The following MAGED1 variants were observed in gnomAD, a reference collection of about 807,000 sequenced individuals.
The protein encoded by MAGED1 is melanoma-associated antigen D1.
MAGED1 carries 3 observed loss-of-function variants against 54.1 expected under a neutral mutation model. The observed-to-expected ratio is 0.06, with a 90% CI of 0.03 to 0.14. The LOEUF is 0.14. Among genes scored for constraint, MAGED1 ranks in the 10% least tolerant of loss-of-function variants. MAGED1 has a pLI of 1.00. For synonymous variants in MAGED1, 217 were observed against 227.3 expected (o/e 0.95, Z 0.41); for missense variants, 485 against 623.4 (o/e 0.78, Z 2.36).
rs190024652 is a variant in MAGED1, at chrX:51,825,322, C to T, written c.-37+22205C>T. On this transcript the variant is annotated intron_variant, in intron 1 of 12. Transcript: ENST00000375772. ...GGTCAGAGAGAGCTCTAAAGGGCAA[C>T]AATGTGTCAAAAGACAAAATTACAA... 4.5e-5 allele frequency among the ~76,000 whole-genome samples: 5 copies of T among 111,294 alleles called. No individual in the cohort carries two copies. The Admixed American group carries it at 4.8e-4, about 11-fold the overall frequency.
chrX:51,818,617 C>T (rs1270732596), intron 1 of MAGED1, among the ~76,000 whole-genome samples: 3 of 112,101 alleles, frequency 2.7e-5, no homozygotes, highest in Non-Finnish European at 3.8e-5. Flanking sequence ...GCGTTTCATC[C>T]TTTAACCATG....
chrX:51,842,778 G>A (rs192166532), intron 1 of MAGED1, among the ~76,000 whole-genome samples: 3 of 110,737 alleles, frequency 2.7e-5, no homozygotes, highest in Admixed American at 9.6e-5. Context: ...CTCCACCTCC[G>A]AGGCTCAAGC....
rs1929058885 is a variant in MAGED1, at chrX:51,902,175, CCT to C, written c.*39_*40del. 6.7e-6 allele frequency: 2 copies of C among 299,251 alleles called. No homozygotes were observed. Among genetic ancestry groups the C allele is most frequent in the South Asian group, 3.0e-4 (2 of 6,657 alleles). 24.7% of individuals were successfully genotyped at this position (299,251 alleles called of 1,213,427 possible). ...TGCTATCAATCGCAGTAGTCTTTCC[CCT>C]GTGTGAGGCTGAAGCCTCAGATTCC... On this transcript the variant is annotated 3_prime_UTR_variant, in exon 13 of 13. Transcript: ENST00000326587.
intron 1 of MAGED1, among the ~76,000 whole-genome samples, chrX:51,859,813 TGCTG>T (rs1353486384): frequency 9.0e-6 from 1 of 111,428 alleles, no homozygotes; most frequent in African/African-American, 3.3e-5. Flanking sequence ...GATGCTATGC[TGCTG>T]GCTTTGAATT....
intron 1 of MAGED1, among the ~76,000 whole-genome samples, chrX:51,821,013 CA>C (rs1289183977): frequency 9.0e-6 from 1 of 111,704 alleles, no homozygotes; most frequent in East Asian, 2.8e-4. Context: ...TGAGTGAGAT[CA>C]TGTGCTGTTT....
chrX:51,849,389 T>G (rs1056342750), intron 1 of MAGED1, among the ~76,000 whole-genome samples: 7 of 111,571 alleles, frequency 6.3e-5, no homozygotes, highest in African/African-American at 2.3e-4. Context: ...AAGGTCAGCT[T>G]ACTTTAAATC....
intron 1 of MAGED1, among the ~76,000 whole-genome samples, chrX:51,852,936 T>C (rs1237049356): frequency 1.8e-5 from 2 of 111,963 alleles, no homozygotes; most frequent in African/African-American, 3.2e-5. Flanking sequence ...TTTTGTGCCT[T>C]GTAAAGTAGT....
chrX:51,869,728 C>T (rs368036512), intron 1 of MAGED1, among the ~76,000 whole-genome samples: 5 of 110,069 alleles, frequency 4.5e-5, no homozygotes, highest in Non-Finnish European at 9.5e-5. Flanking sequence ...AAAATTAGAC[C>T]GGTGTGGTGG....
At chrX:51,832,921 A>G (rs1310895974) in intron 1 of MAGED1, among the ~76,000 whole-genome samples, 1 of 111,681 alleles carries the variant, frequency 9.0e-6, no homozygotes, top group African/African-American at 3.3e-5. Flanking sequence ...ATAAAAGCAC[A>G]TTGTTTTATT....
chrX:51,901,694 G>A lies in MAGED1; in HGVS notation c.2101G>A (p.Val701Met). 1 of 1,211,611 alleles carries A rather than the reference G, an allele frequency of 8.3e-7. No individual in the cohort carries two copies. Among genetic ancestry groups the A allele is most frequent in the South Asian group, 1.8e-5 (1 of 56,917 alleles). ...CCGCATGGGAATTGGAGATGAGGCT[G>A]TGTCTGGGCCCTGGAGCTGGGATGA... ...RTRMGIGDEA[V>M]SGPWSWDDIE... The change falls in exon 12 of 13, where the codon GTG (valine) becomes ATG (methionine). Residue 701 changes from valine to methionine, a missense_variant. By Grantham distance (21) the Val-to-Met change is conservative. Transcript: ENST00000326587.
intron 1 of MAGED1, among the ~76,000 whole-genome samples, chrX:51,826,077 T>C (rs1307236376): frequency 8.9e-6 from 1 of 112,663 alleles, no homozygotes; most frequent in African/African-American, 3.2e-5. Context: ...CACAGAAATG[T>C]AGGGAGAAAT....
At chrX:51,820,894 C>T (rs1472079767) in intron 1 of MAGED1, among the ~76,000 whole-genome samples, 1 of 111,422 alleles carries the variant, frequency 9.0e-6, no homozygotes, top group Non-Finnish European at 1.9e-5. Context: ...TTTAACTAGT[C>T]TTTCTGCCTC....
intron 1 of MAGED1, among the ~76,000 whole-genome samples, chrX:51,848,130 G>C (rs1278097114): frequency 9.0e-6 from 1 of 111,075 alleles, no homozygotes; most frequent in East Asian, 2.8e-4. Flanking sequence ...TAAACTAGGG[G>C]GATTTGACAT....
At chrX:51,807,223 G>A (rs1325239967) in intron 1 of MAGED1, among the ~76,000 whole-genome samples, 2 of 111,918 alleles carry the variant, frequency 1.8e-5, no homozygotes, top group Non-Finnish European at 3.8e-5. Context: ...CTTTCCATAA[G>A]TTTGTTAGTC....
chrX:51,821,549 C>A (rs1477065859), intron 1 of MAGED1, among the ~76,000 whole-genome samples: 1 of 110,848 alleles, frequency 9.0e-6, no homozygotes, highest in Non-Finnish European at 1.9e-5. Context: ...TGCCACCTTG[C>A]CGGATAGTTT....
At chrX:51,897,977 C>T (rs1928838968) in intron 7 of MAGED1, 91 bp downstream of exon 7, 29 of 897,465 alleles carry the variant, frequency 3.2e-5, no homozygotes, top group Non-Finnish European at 4.6e-5. Flanking sequence ...GGTTCAGGGT[C>T]ACATAGCAGG....
chrX:51,888,041 G>T (rs1270392072), intron 1 of MAGED1, among the ~76,000 whole-genome samples: 2 of 111,365 alleles, frequency 1.8e-5, no homozygotes, highest in Non-Finnish European at 3.8e-5. Context: ...TGGGAAGGAG[G>T]TGGGGATGGT....
chrX:51,838,898 T>C (rs1280939020), intron 1 of MAGED1, among the ~76,000 whole-genome samples: 1 of 111,139 alleles, frequency 9.0e-6, no homozygotes, highest in Non-Finnish European at 1.9e-5. Flanking sequence ...GCTTTTTTTT[T>C]CTGACTATGG....
At position 51,826,850 on chromosome X, in the gene MAGED1, C is replaced by T. The variant is rs1268196543; in HGVS notation, c.-37+23733C>T. Among the ~76,000 whole-genome samples the T allele has an allele frequency of 4.5e-5, 5 of 112,285 alleles. No individual in the cohort carries two copies. The South Asian group carries it at 1.8e-3, about 41-fold the overall frequency. ...TCTTACAAAACTAAATGTAGTCTTA[C>T]CATATGATCCAGCGATTGCGTTCCT... On this transcript the variant is annotated intron_variant, in intron 1 of 12. Coordinates refer to the MAGED1 transcript ENST00000375772.
Sources: gnomAD v4.1 joint callset for allele counts (sites outside exome capture counted in the v4.1 genomes callset) on GRCh38, gnomAD v4.1.1 for gene constraint, MANE v1.5 for transcripts, NCBI Gene and HGNC (gene_info 2026-07-23, HGNC 2026-07-21) for gene names.